CNTNAP4: variants seen among roughly 807,000 people sequenced by gnomAD.
CNTNAP4 encodes the protein contactin associated protein family member 4, also known as contactin-associated protein-like 4.
In CNTNAP4, 98 loss-of-function variants were observed where a neutral mutation model predicts 148.4. The ratio of observed to expected loss-of-function variants is 0.66; its 90% CI spans 0.56 to 0.78. CNTNAP4 has a LOEUF of 0.78. Ranked by LOEUF, CNTNAP4 falls within the 30% of genes least tolerant of loss-of-function variation. The pLI is 0.00. For synonymous variants in CNTNAP4, 730 were observed against 565.1 expected (o/e 1.29, Z -4.14); for missense variants, 1,935 against 1,565.6 (o/e 1.24, Z -3.98).
At chr16:76,415,153 A>T (rs935982027) in intron 3 of CNTNAP4, among the ~76,000 whole-genome samples, 3 of 151,274 alleles carry the variant, frequency 2.0e-5, no homozygotes, top group Non-Finnish European at 4.4e-5. Context: ...AAATGTATTT[A>T]TGAAGTATGT....
At chr16:76,366,462 C>T (rs1208837347) in intron 3 of CNTNAP4, among the ~76,000 whole-genome samples, 1 of 152,286 alleles carries the variant, frequency 6.6e-6, no homozygotes, top group Middle Eastern at 3.4e-3. Flanking sequence ...CAGACATAAT[C>T]TCATTCTTTT....
chr16:76,291,663 G>GCTC (rs1202918219), intron 1 of CNTNAP4, among the ~76,000 whole-genome samples: 4 of 152,200 alleles, frequency 2.6e-5, no homozygotes, highest in African/African-American at 9.6e-5. Context: ...AGTACACACA[G>GCTC]CTCCTCCTCC....
chr16:76,307,025 A>G (rs1413845766), intron 1 of CNTNAP4, among the ~76,000 whole-genome samples: 4 of 152,174 alleles, frequency 2.6e-5, no homozygotes, highest in Admixed American at 2.6e-4. Context: ...ACAAAGAGAC[A>G]AATGTTTGAT....
intron 17 of CNTNAP4, among the ~76,000 whole-genome samples, chr16:76,528,163 G>T (rs1332321850): frequency 6.6e-6 from 1 of 152,118 alleles, no homozygotes; most frequent in East Asian, 1.9e-4. Context: ...AAAATGTGTG[G>T]ATATTTGGAT....
chr16:76,386,292 G>C (rs2016508833), intron 3 of CNTNAP4, among the ~76,000 whole-genome samples: 1 of 152,000 alleles, frequency 6.6e-6, no homozygotes, highest in South Asian at 2.1e-4. Flanking sequence ...TTTATAATCT[G>C]TTTATAAAAA....
chr16:76,495,875 G>T (rs1161495080), intron 14 of CNTNAP4, among the ~76,000 whole-genome samples: 2 of 152,026 alleles, frequency 1.3e-5, no homozygotes, highest in African/African-American at 4.8e-5. Flanking sequence ...TGATTACAGT[G>T]ATAAATCTGT....
At chr16:76,288,350 C>T (rs1177517624) in intron 1 of CNTNAP4, among the ~76,000 whole-genome samples, 1 of 152,174 alleles carries the variant, frequency 6.6e-6, no homozygotes, top group East Asian at 1.9e-4. Context: ...TTCATAGCAG[C>T]ATGAGAGCAA....
intron 15 of CNTNAP4, among the ~76,000 whole-genome samples, chr16:76,505,574 T>C (rs2082812614): frequency 1.0e-5 from 1 of 97,196 alleles, no homozygotes; most frequent in South Asian, 4.1e-4. Flanking sequence ...CAGGTCCTTT[T>C]CAACTTCTAG....
intron 15 of CNTNAP4, among the ~76,000 whole-genome samples, chr16:76,519,900 T>C (rs2083392497): frequency 6.6e-6 from 1 of 152,226 alleles, no homozygotes; most frequent in Non-Finnish European, 1.5e-5. Flanking sequence ...GGTCTAGAAT[T>C]TATACAAAGT....
At chr16:76,450,590 T>C (rs983453825) in intron 7 of CNTNAP4, among the ~76,000 whole-genome samples, 1 of 152,162 alleles carries the variant, frequency 6.6e-6, no homozygotes. Context: ...TCATGATAAA[T>C]AAAAGAGACG....
chr16:76,382,739 G>A (rs1230143503), intron 3 of CNTNAP4, among the ~76,000 whole-genome samples: 1 of 152,070 alleles, frequency 6.6e-6, no homozygotes, highest in Non-Finnish European at 1.5e-5. Flanking sequence ...CTAGCACCTA[G>A]ACTGAGGGCA....
At chr16:76,449,430 A>G (rs2080371702) in intron 6 of CNTNAP4, among the ~76,000 whole-genome samples, 1 of 152,210 alleles carries the variant, frequency 6.6e-6, no homozygotes, top group African/African-American at 2.4e-5. Context: ...AATTGGTTAT[A>G]GTATTAAACA....
At chr16:76,391,001 G>T (rs1042025089) in intron 3 of CNTNAP4, among the ~76,000 whole-genome samples, 19 of 152,188 alleles carry the variant, frequency 1.2e-4, no homozygotes, top group African/African-American at 4.3e-4. Flanking sequence ...CTTATCCTTT[G>T]AGTCACAGAC....
In CNTNAP4 at chr16:76,460,793, T is replaced by TATAC. The variant is rs1292198875; in HGVS notation, c.1334-1161_1334-1160insACAT. ...AAAAAAATATATATATATATATATATATTTAGAATTGTATATAAATATATA... is the reference window on the plus strand; with the variant it reads ...AAAAAAATATATATATATATATATATATACATTTAGAATTGTATATAAATATATA... On this transcript the variant is annotated intron_variant, in intron 8 of 23. Coordinates refer to ENST00000611870, the MANE Select transcript of CNTNAP4 (RefSeq NM_033401.5). Among the ~76,000 whole-genome samples the TATAC allele has an allele frequency of 1.4e-4, 15 of 110,518 alleles. 2 individuals carry two copies. Among genetic ancestry groups the TATAC allele is most frequent in the African/African-American group, 4.8e-4 (13 of 26,856 alleles). 72.5% of individuals were successfully genotyped at this position (110,518 alleles called of 152,430 possible).
At chr16:76,547,586 G>A (rs1187349807) in intron 21 of CNTNAP4, among the ~76,000 whole-genome samples, 1 of 152,124 alleles carries the variant, frequency 6.6e-6, no homozygotes, top group East Asian at 1.9e-4. Flanking sequence ...TGCTACATTT[G>A]CTTTTTATCT....
chr16:76,538,491 T>C (rs2144270687), intron 19 of CNTNAP4, 151 bp downstream of exon 19: 3 of 560,874 alleles, frequency 5.3e-6, no homozygotes, highest in Admixed American at 3.8e-5. Flanking sequence ...TACTATCCTA[T>C]AAGTATAATC....
intron 12 of CNTNAP4, among the ~76,000 whole-genome samples, chr16:76,483,492 A>G (rs2081916522): frequency 6.6e-6 from 1 of 152,166 alleles, no homozygotes; most frequent in Non-Finnish European, 1.5e-5. Context: ...CTGTTGATTC[A>G]TTAACATTGA....
chr16:76,304,372 C>T (rs1388304916), intron 1 of CNTNAP4, among the ~76,000 whole-genome samples: 2 of 151,898 alleles, frequency 1.3e-5, no homozygotes. Flanking sequence ...AAGCAGAGAC[C>T]CAGACCACCA....
chr16:76,437,830 C>T (rs1168261919), intron 4 of CNTNAP4, among the ~76,000 whole-genome samples: 2 of 151,996 alleles, frequency 1.3e-5, no homozygotes, highest in African/African-American at 4.8e-5. Flanking sequence ...AAATAAATGA[C>T]TGGTTCAAGC....
Sources: gnomAD v4.1 joint callset for allele counts (sites outside exome capture counted in the v4.1 genomes callset) on GRCh38, gnomAD v4.1.1 for gene constraint, MANE v1.5 for transcripts, NCBI Gene and HGNC (gene_info 2026-07-23, HGNC 2026-07-21) for gene names.